MYO6: variants seen among roughly 807,000 people sequenced by gnomAD.
The protein encoded by MYO6 is myosin VI, also known as unconventional myosin-VI.
Under a neutral mutation model 178.7 loss-of-function variants are expected in MYO6, and 74 were observed. That is an observed-to-expected ratio of 0.41 (90% CI 0.34 to 0.50). The LOEUF (loss-of-function observed/expected upper bound fraction) is 0.50, where lower values mean the gene tolerates loss of function less well. MYO6 is among the 20% of genes least tolerant of loss of function. The probability of loss-of-function intolerance (pLI) is 0.09; values close to 1 mark genes in which losing one functional copy is unlikely to be tolerated. For missense variants in MYO6, 1,330 were observed against 1,547.4 expected (o/e 0.86, Z 2.36); for synonymous variants, 477 against 504.6 (o/e 0.95, Z 0.73).
chr6:75,838,287 C>T (rs1773854798), intron 7 of MYO6, among the ~76,000 whole-genome samples: 1 of 151,910 alleles, frequency 6.6e-6, no homozygotes, highest in African/African-American at 2.4e-5. Context: ...GAACTCCTGA[C>T]CTCAGGTGAT....
At chr6:75,867,848 G>A (rs1399771990) in intron 18 of MYO6, among the ~76,000 whole-genome samples, 2 of 151,974 alleles carry the variant, frequency 1.3e-5, no homozygotes, top group Non-Finnish European at 2.9e-5. Flanking sequence ...ACTACTAATT[G>A]GTTCTAGTTA....
chr6:75,792,999 C>T (rs1209029699), intron 1 of MYO6, among the ~76,000 whole-genome samples: 2 of 151,774 alleles, frequency 1.3e-5, no homozygotes, highest in African/African-American at 2.4e-5. Context: ...GTCATGTTGA[C>T]CAGGCTTGTC....
chr6:75,854,288 T>TCA, intron 11 of MYO6, among the ~76,000 whole-genome samples: 1 of 135,554 alleles, frequency 7.4e-6, no homozygotes, highest in East Asian at 3.0e-4. Flanking sequence ...TTTTTTTTTT[T>TCA]TTTTTTTTTT....
rs369292514 is a variant in MYO6 at position 75,879,901 on chromosome 6, A to T, written c.2159A>T (p.Lys720Met). Residue 720 changes from lysine to methionine, a missense_variant, in exon 21 of 35, where the codon AAG becomes ATG. Lys to Met is a moderately conservative substitution (Grantham distance 95, BLOSUM62 -1). Around this residue, in one of 3 missense-constraint regions of MYO6, gnomAD observed 613 missense variants for 816.8 expected, o/e 0.75. Coordinates refer to ENST00000369977, the MANE Select transcript of MYO6 (RefSeq NM_004999.4). ...SFHELYNMYK[K>M]YMPDKLARLD... ...CATGAACTCTACAACATGTACAAAA[A>T]GTATATGCCAGATAAACTTGCAAGA... 12 of 1,614,062 alleles carry T rather than the reference A, an allele frequency of 7.4e-6. No homozygotes were observed. The African/African-American group carries it at 9.3e-5, about 13-fold the overall frequency.
chr6:75,881,697 A>C lies in MYO6; in HGVS notation c.2295A>C (p.Glu765Asp), dbSNP rs1165446414. The change falls in exon 23 of 35, where the codon GAA becomes GAC. Residue 765 changes from glutamate to aspartate, a missense_variant. Around this residue, in one of 3 missense-constraint regions of MYO6, gnomAD observed 613 missense variants for 816.8 expected, o/e 0.75. Coordinates refer to ENST00000369977, the MANE Select transcript of MYO6 (RefSeq NM_004999.4). Reference protein sequence around the residue: ...KVFFRPGKFAEFDQIMKSDPD... With the variant: ...KVFFRPGKFADFDQIMKSDPD... ...ATTATTTCACTTCCTAGTTTGCAGA[A>C]TTTGATCAGATCATGAAGTCTGACC... 2 of 1,613,564 alleles carry C rather than the reference A, an allele frequency of 1.2e-6. No individual in the cohort carries two copies. The highest frequency in any genetic ancestry group is 2.7e-5 in the African/African-American group (2 of 74,916).
chr6:75,870,884 A>C (rs948423531), intron 19 of MYO6, among the ~76,000 whole-genome samples, 199 bp downstream of exon 19: 1 of 152,130 alleles, frequency 6.6e-6, no homozygotes, highest in African/African-American at 2.4e-5. Context: ...AATATATAGA[A>C]TTCTTGACTA....
At chr6:75,807,414 T>C (rs1770211477) in intron 1 of MYO6, among the ~76,000 whole-genome samples, 1 of 152,234 alleles carries the variant, frequency 6.6e-6, no homozygotes, top group South Asian at 2.1e-4. Flanking sequence ...CTTTGGATAT[T>C]TCAAAGCCTT....
chr6:75,912,285 A>T (rs1221388746), intron 33 of MYO6, among the ~76,000 whole-genome samples: 1 of 152,022 alleles, frequency 6.6e-6, no homozygotes, highest in East Asian at 1.9e-4. Context: ...GTTGATTAGT[A>T]ATGATTTGGA....
intron 29 of MYO6, among the ~76,000 whole-genome samples, chr6:75,898,001 A>G (rs902783994): frequency 6.6e-6 from 1 of 152,226 alleles, no homozygotes; most frequent in Non-Finnish European, 1.5e-5. Context: ...TTTACTAAGC[A>G]ACTCTGGTGC....
chr6:75,855,845 G>A (rs559385437), intron 12 of MYO6, among the ~76,000 whole-genome samples: 2 of 152,210 alleles, frequency 1.3e-5, no homozygotes, highest in African/African-American at 4.8e-5. Context: ...GAATAAAATT[G>A]ACATTCAGCC....
rs529749344 is a variant in MYO6, at chr6:75,882,053, A to G, written c.2416+235A>G. On this transcript the variant is annotated intron_variant, in intron 23 of 34. Coordinates refer to ENST00000369977, the MANE Select transcript of MYO6 (RefSeq NM_004999.4). ...GTCAGTTTCATAGTGTCCTAACAAA[A>G]CAGAATTCACTATCTTGATCTCTCG... 3.0e-3 allele frequency among the ~76,000 whole-genome samples: 456 copies of G among 152,222 alleles called. 5 individuals are homozygous for G. The highest frequency in any genetic ancestry group is 0.011 in the African/African-American group (439 of 41,536).
chr6:75,763,509 C>T (rs1444969909), intron 1 of MYO6, among the ~76,000 whole-genome samples: 2 of 152,112 alleles, frequency 1.3e-5, no homozygotes, highest in Admixed American at 1.3e-4. Flanking sequence ...TTGATATAAA[C>T]ATGCCAAAAT....
In MYO6 at chr6:75,844,996, C is replaced by G. The variant is rs915691709; in HGVS notation, c.897+19C>G. ...TCCTGAGGTATAGTAGACCATTGTT[C>G]ATAAAATCTTTAACTTAAAAAAAAA... On this transcript the variant is annotated intron_variant, in intron 10 of 34. Transcript: ENST00000369977. The G allele has an allele frequency of 6.3e-6, 10 of 1,580,554 alleles. No individual in the cohort carries two copies. Among genetic ancestry groups the G allele is most frequent in the South Asian group, 1.1e-5 (1 of 89,390 alleles).
chr6:75,868,537 T>TG (rs1776883473), intron 18 of MYO6, among the ~76,000 whole-genome samples: 1 of 152,126 alleles, frequency 6.6e-6, no homozygotes, highest in Non-Finnish European at 1.5e-5. Context: ...CCTTGAAACT[T>TG]CTTATAATTG....
intron 1 of MYO6, among the ~76,000 whole-genome samples, chr6:75,813,357 C>G (rs926088619): frequency 6.6e-6 from 1 of 152,194 alleles, no homozygotes; most frequent in Non-Finnish European, 1.5e-5. Context: ...CCGATGTTCA[C>G]TCAAGGCCCA....
At position 75,908,540 on chromosome 6, in the gene MYO6, C is replaced by G. The variant is rs763411830; in HGVS notation, c.3325C>G (p.Leu1109Val). The G allele has an allele frequency of 1.2e-6, 2 of 1,612,836 alleles. No homozygotes were observed. Among genetic ancestry groups the G allele is most frequent in the South Asian group, 2.2e-5 (2 of 91,042 alleles). ...AACREEFHRR[L>V]KVYHAWKSKN... ...TTGCAGAGAAGAATTTCATAGGAGA[C>G]TAAAAGTGTATCATGCTTGGAAATC... The change falls in exon 32 of 35, where the codon CTA becomes GTA. Residue 1109 changes from leucine (L) to valine (V), a missense_variant. Around this residue, in one of 3 missense-constraint regions of MYO6, gnomAD observed 601 missense variants for 626.1 expected, o/e 0.96. Coordinates refer to ENST00000369977, the MANE Select transcript of MYO6 (RefSeq NM_004999.4).
Position 75,866,906 on chromosome 6 carries a change from A to G in MYO6, c.1771-26A>G, listed in dbSNP as rs760701047. ...TGATGTTATCACAAGATGGACAGAA[A>G]CATTCCTGTTTGATTTATTTTTCAG... is the stretch of plus-strand genomic sequence containing the variant. On this transcript the variant is annotated intron_variant, in intron 17 of 34. Coordinates refer to ENST00000369977, the MANE Select transcript of MYO6 (RefSeq NM_004999.4). 3 of 1,611,086 alleles carry G rather than the reference A, an allele frequency of 1.9e-6. No individual in the cohort carries two copies. The Admixed American group carries it at 5.0e-5, about 27-fold the overall frequency.
chr6:75,886,187 C>T (rs982830438), intron 24 of MYO6, 93 bp downstream of exon 24: 6 of 767,654 alleles, frequency 7.8e-6, no homozygotes, highest in South Asian at 1.6e-5. Context: ...AGTTTGGATA[C>T]TCAGGTTTTC....
intron 1 of MYO6, among the ~76,000 whole-genome samples, chr6:75,752,827 T>C (rs1263283637): frequency 6.6e-6 from 1 of 152,222 alleles, no homozygotes. Context: ...GTTAAACATA[T>C]GTATGTGTTT....
Sources: allele counts gnomAD v4.1 joint callset (sites outside exome capture counted in the v4.1 genomes callset), GRCh38; gene constraint gnomAD v4.1.1; regional missense constraint gnomAD v4.1.1; transcripts MANE v1.5; gene names NCBI Gene and HGNC (gene_info 2026-07-23, HGNC 2026-07-21).